SGCZ: variants seen among roughly 807,000 people sequenced by gnomAD.
SGCZ encodes zeta-sarcoglycan.
In SGCZ, 40 loss-of-function variants were observed where a neutral mutation model predicts 41.3. The ratio of observed to expected loss-of-function variants is 0.97; its 90% CI spans 0.75 to 1.26. The LOEUF is 1.26. Ranked by LOEUF, SGCZ falls within the 50% of genes most tolerant of loss-of-function variation. The pLI, the probability that SGCZ is intolerant of heterozygous loss-of-function variation, is 0.00. For missense variants in SGCZ, 552 were observed against 369.8 expected (o/e 1.49, Z -4.04); for synonymous variants, 206 against 137.5 (o/e 1.50, Z -3.49).
At chr8:14,134,733 G>C (rs532378762) in intron 5 of SGCZ, among the ~76,000 whole-genome samples, 3 of 152,130 alleles carry the variant, frequency 2.0e-5, no homozygotes, top group East Asian at 1.9e-4. Context: ...CAAAGACTTC[G>C]TTTTCTCTGT....
chr8:14,328,913 T>C lies in SGCZ; in HGVS notation c.235-4709A>G, dbSNP rs61686501. Among the ~76,000 whole-genome samples, 310 of 152,314 alleles carry C rather than the reference T, an allele frequency of 2.0e-3. 2 individuals are homozygous for C. Among genetic ancestry groups the C allele is most frequent in the African/African-American group, 7.0e-3 (292 of 41,566 alleles). The stretch of plus-strand genomic sequence containing the variant: ...TCTTGCTCTTCTGCCTTCCCCCAGG[T>C]AGGATACAGAGCATTCCTTCCCTCT... On this transcript the variant is annotated intron_variant, in intron 2 of 7. Coordinates refer to ENST00000382080, the MANE Select transcript of SGCZ (RefSeq NM_139167.4).
At chr8:14,907,611 G>A (rs996055228) in intron 1 of SGCZ, among the ~76,000 whole-genome samples, 1 of 152,142 alleles carries the variant, frequency 6.6e-6, no homozygotes, top group Non-Finnish European at 1.5e-5. Flanking sequence ...GGAAGCCAAG[G>A]TAGGAGTGTT....
At chr8:14,163,837 G>T (rs989493957) in intron 5 of SGCZ, among the ~76,000 whole-genome samples, 1 of 152,138 alleles carries the variant, frequency 6.6e-6, no homozygotes, top group Admixed American at 6.5e-5. Context: ...TGGGAAACAT[G>T]AAGTCAAATA....
chr8:14,398,314 G>A (rs963323248), intron 2 of SGCZ, among the ~76,000 whole-genome samples: 7 of 152,094 alleles, frequency 4.6e-5, no homozygotes, highest in African/African-American at 1.4e-4. Flanking sequence ...CATTGCTTGA[G>A]TTACATAAAG....
At chr8:15,030,414 A>C (rs758389962) in intron 1 of SGCZ, among the ~76,000 whole-genome samples, 1 of 152,168 alleles carries the variant, frequency 6.6e-6, no homozygotes, top group Non-Finnish European at 1.5e-5. Context: ...CTATGTAATA[A>C]TGTTAACCTC....
intron 1 of SGCZ, among the ~76,000 whole-genome samples, chr8:14,740,453 A>G (rs1799167893): frequency 6.6e-6 from 1 of 152,060 alleles, no homozygotes; most frequent in Non-Finnish European, 1.5e-5. Flanking sequence ...AAGGAATAAG[A>G]TAATGCTGCC....
intron 1 of SGCZ, among the ~76,000 whole-genome samples, chr8:15,006,541 C>A (rs936464699): frequency 6.6e-6 from 1 of 152,054 alleles, no homozygotes; most frequent in African/African-American, 2.4e-5. Context: ...ATTGTTTACC[C>A]CACGAAGAAA....
intron 2 of SGCZ, among the ~76,000 whole-genome samples, chr8:14,358,480 T>C (rs1194632631): frequency 6.6e-6 from 1 of 152,194 alleles, no homozygotes; most frequent in Non-Finnish European, 1.5e-5. Flanking sequence ...AAACTTCAGT[T>C]ACTATATAAA....
Position 14,854,788 on chromosome 8 carries a change from A to G in SGCZ, c.40-299862T>C, listed in dbSNP as rs145984084. On this transcript the variant is annotated intron_variant, in intron 1 of 7. Coordinates refer to ENST00000382080, the MANE Select transcript of SGCZ (RefSeq NM_139167.4). The stretch of plus-strand genomic sequence containing the variant: ...TTTCATAGAGAGGAAAGGAGAGAGT[A>G]GGTCAATTGGGATCAGTCTCCCAGG... 2.6e-5 allele frequency among the ~76,000 whole-genome samples: 4 copies of G among 152,148 alleles called. No homozygotes were observed. In the East Asian group the frequency reaches 7.7e-4, roughly 29 times the overall value.
At chr8:14,856,871 C>A (rs1803559999) in intron 1 of SGCZ, among the ~76,000 whole-genome samples, 1 of 152,070 alleles carries the variant, frequency 6.6e-6, no homozygotes, top group Non-Finnish European at 1.5e-5. Context: ...TTCAGAAATG[C>A]ACACCCATAC....
At chr8:15,142,583 C>T (rs1222411109) in intron 1 of SGCZ, among the ~76,000 whole-genome samples, 1 of 151,914 alleles carries the variant, frequency 6.6e-6, no homozygotes, top group African/African-American at 2.4e-5. Context: ...AAATCACCCC[C>T]CAATTACCAT....
chr8:14,087,049 C>G lies in SGCZ; in HGVS notation c.*3394G>C, dbSNP rs931999190. ...AGAACTAGAACTGGAATTGCTGGCT[C>G]CATTTTCCGAGATTTGAAGTACTGT... On this transcript the variant is annotated 3_prime_UTR_variant, in exon 8 of 8. Transcript: ENST00000382080. Among the ~76,000 whole-genome samples the G allele has an allele frequency of 5.3e-5, 8 of 150,728 alleles. No homozygotes were observed. The highest frequency in any genetic ancestry group is 8.9e-5 in the Non-Finnish European group (6 of 67,174).
intron 2 of SGCZ, among the ~76,000 whole-genome samples, chr8:14,516,184 G>A (rs1164002640): frequency 2.0e-5 from 3 of 151,542 alleles, no homozygotes; most frequent in Non-Finnish European, 2.9e-5. Flanking sequence ...TACATGTGAA[G>A]GTTTGATACA....
rs1402273283 is a variant in SGCZ at position 15,178,478 on chromosome 8, G to T, written c.39+59107C>A. 5.3e-5 allele frequency among the ~76,000 whole-genome samples: 8 copies of T among 152,122 alleles called. No individual in the cohort carries two copies. The South Asian group carries it at 1.0e-3, about 20-fold the overall frequency. On this transcript the variant is annotated intron_variant, in intron 1 of 7. Coordinates refer to ENST00000382080, the MANE Select transcript of SGCZ (RefSeq NM_139167.4). ...TCAAATACATAGTAAAATGCTCAGAGCATGGTAATAACACAATAAATTAGA... is the reference window on the plus strand; with the variant it reads ...TCAAATACATAGTAAAATGCTCAGATCATGGTAATAACACAATAAATTAGA...
chr8:15,050,758 A>T (rs1342279893), intron 1 of SGCZ, among the ~76,000 whole-genome samples: 1 of 152,170 alleles, frequency 6.6e-6, no homozygotes, highest in Non-Finnish European at 1.5e-5. Context: ...AAAGCATGTA[A>T]ATATAATACA....
intron 3 of SGCZ, among the ~76,000 whole-genome samples, chr8:14,275,303 A>T (rs1192803458): frequency 6.6e-6 from 1 of 152,144 alleles, no homozygotes; most frequent in African/African-American, 2.4e-5. Flanking sequence ...CTTCTTCCCT[A>T]TCCCTTTTGA....
chr8:15,050,316 T>C lies in SGCZ; in HGVS notation c.39+187269A>G, dbSNP rs534170927. Among the ~76,000 whole-genome samples the C allele has an allele frequency of 7.9e-5, 12 of 152,258 alleles. No individual in the cohort carries two copies. The South Asian group carries it at 2.5e-3, about 32-fold the overall frequency. On this transcript the variant is annotated intron_variant, in intron 1 of 7. Transcript: ENST00000382080. ...ATATCAAAGATACATGAACTTGTAG[T>C]TCAGAGGAGAGGTTTATGTGGCCCT...
chr8:14,810,224 A>G (rs2130534464), intron 1 of SGCZ, among the ~76,000 whole-genome samples: 1 of 152,154 alleles, frequency 6.6e-6, no homozygotes, highest in Admixed American at 6.5e-5. Context: ...TGAATTTGGT[A>G]AGGCAATTTT....
intron 5 of SGCZ, among the ~76,000 whole-genome samples, chr8:14,135,399 G>A (rs1803165030): frequency 6.6e-6 from 1 of 152,166 alleles, no homozygotes; most frequent in African/African-American, 2.4e-5. Context: ...TTGTTTCTAA[G>A]GTGGGGGAAA....
Sources: gnomAD v4.1 joint callset for allele counts (sites outside exome capture counted in the v4.1 genomes callset) on GRCh38, gnomAD v4.1.1 for gene constraint, MANE v1.5 for transcripts, NCBI Gene and HGNC (gene_info 2026-07-23, HGNC 2026-07-21) for gene names.